Variants in MPHOSPH9 observed in about 807,000 individuals in gnomAD.
MPHOSPH9 encodes M-phase phosphoprotein 9.
Under a neutral mutation model 145.5 loss-of-function variants are expected in MPHOSPH9, and 88 were observed. That is an observed-to-expected ratio of 0.60 (90% confidence interval 0.51 to 0.72). The LOEUF is 0.72. MPHOSPH9 is among the 30% of genes least tolerant of loss of function. The pLI, the probability that MPHOSPH9 is intolerant of heterozygous loss-of-function variation, is 0.00. For synonymous variants in MPHOSPH9, 435 were observed against 486.2 expected (o/e 0.89, Z 1.39); for missense variants, 1,238 against 1,386.6 (o/e 0.89, Z 1.70).
chr12:123,215,726 T>C (rs1355545811), intron 6 of MPHOSPH9, among the ~76,000 whole-genome samples: 2 of 152,220 alleles, frequency 1.3e-5, no homozygotes, highest in Non-Finnish European at 2.9e-5. Context: ...GTGATGAGAA[T>C]ATTTCTATCA....
intron 13 of MPHOSPH9, among the ~76,000 whole-genome samples, chr12:123,193,111 ACACAC>A (rs2045782521): frequency 2.6e-5 from 1 of 38,080 alleles, no homozygotes; most frequent in Admixed American, 4.0e-4. Context: ...ATATATATAC[ACACAC>A]ACACACACAC....
chr12:123,158,021 G>A (rs1006070846), intron 23 of MPHOSPH9, among the ~76,000 whole-genome samples: 6 of 150,798 alleles, frequency 4.0e-5, no homozygotes, highest in Non-Finnish European at 7.4e-5. Flanking sequence ...ACGGAGTCTC[G>A]CTCTGTTGCC....
chr12:123,199,378 C>T (rs776341730), intron 11 of MPHOSPH9, among the ~76,000 whole-genome samples: 10 of 152,124 alleles, frequency 6.6e-5, no homozygotes, highest in Non-Finnish European at 1.0e-4. Context: ...CATCTTGACT[C>T]GGTGTTTAAC....
At chr12:123,202,050 G>A in intron 11 of MPHOSPH9, 114 bp downstream of exon 11, 1 of 1,127,708 alleles carries the variant, frequency 8.9e-7, no homozygotes, top group Non-Finnish European at 1.2e-6. Flanking sequence ...AGGCAAACAT[G>A]ACTGTTAAAA....
intron 9 of MPHOSPH9, 38 bp from the exon 10 acceptor site, chr12:123,203,122 C>G (rs375407079): frequency 5.4e-5 from 86 of 1,592,738 alleles, no homozygotes; most frequent in Non-Finnish European, 6.6e-5. Context: ...ACCCTCAGAA[C>G]TCGGCTTTGT....
At chr12:123,214,676 A>C in intron 7 of MPHOSPH9, 68 bp downstream of exon 7, 1 of 1,278,126 alleles carries the variant, frequency 7.8e-7, no homozygotes, top group Non-Finnish European at 1.1e-6. Flanking sequence ...AATGCTCTAA[A>C]AATCTAAGTA....
At chr12:123,181,475 G>A (rs2045140791) in intron 13 of MPHOSPH9, among the ~76,000 whole-genome samples, 1 of 152,040 alleles carries the variant, frequency 6.6e-6, no homozygotes, top group South Asian at 2.1e-4. Flanking sequence ...GGGAGGCTGA[G>A]GACAGAGGAT....
chr12:123,156,552 T>C lies in MPHOSPH9; in HGVS notation c.*255A>G, dbSNP rs370024638. The C allele has an allele frequency of 8.2e-5, 23 of 280,292 alleles. No individual in the cohort carries two copies. The highest frequency in any genetic ancestry group is 5.5e-4 in the East Asian group (9 of 16,304). The allele number at this position is 280,292 out of a possible 1,614,324, so 17.4% of individuals were successfully genotyped here. ...TCTGTTTATATTTCCTTATTCTTGATATAAATTGGAGACAGATACTATTTA... is the reference window on the plus strand; with the variant it reads ...TCTGTTTATATTTCCTTATTCTTGACATAAATTGGAGACAGATACTATTTA... On this transcript the variant is annotated 3_prime_UTR_variant, in exon 24 of 24. Coordinates refer to ENST00000606320, the MANE Select transcript of MPHOSPH9 (RefSeq NM_022782.4).
intron 8 of MPHOSPH9, among the ~76,000 whole-genome samples, chr12:123,208,518 A>G (rs1225908835): frequency 1.4e-5 from 2 of 142,760 alleles, no homozygotes; most frequent in Non-Finnish European, 3.1e-5. Flanking sequence ...ACCTGGCGAC[A>G]GAGTGAAACT....
intron 1 of MPHOSPH9, among the ~76,000 whole-genome samples, chr12:123,241,532 G>T (rs1200512850): frequency 6.6e-6 from 1 of 151,934 alleles, no homozygotes. Flanking sequence ...TAGAGACGGG[G>T]TTTCACCATG....
At chr12:123,187,452 A>G (rs1057432276) in intron 13 of MPHOSPH9, among the ~76,000 whole-genome samples, 2 of 152,178 alleles carry the variant, frequency 1.3e-5, no homozygotes, top group African/African-American at 4.8e-5. Flanking sequence ...GCTGTCTCCA[A>G]ATAAATCTGT....
intron 12 of MPHOSPH9, among the ~76,000 whole-genome samples, chr12:123,197,696 C>T (rs570855448): frequency 1.3e-3 from 186 of 147,944 alleles, no homozygotes; most frequent in Middle Eastern, 3.8e-3. Context: ...GCAGGAGAAT[C>T]GCCTGAACCT....
chr12:123,163,275 A>C (rs1188650574), intron 19 of MPHOSPH9, 141 bp from the exon 20 acceptor site: 1 of 907,546 alleles, frequency 1.1e-6, no homozygotes, highest in Non-Finnish European at 1.6e-6. Context: ...AGAGTGTACA[A>C]AAAAATAAAA....
In MPHOSPH9 at chr12:123,161,129, T is replaced by C. The variant is rs2044087845; in HGVS notation, c.3381+7A>G. 6.2e-7 allele frequency: 1 copy of C among 1,612,734 alleles called. No individual in the cohort carries two copies. On this transcript the variant is annotated splice_region_variant and intron_variant, in intron 22 of 23. Transcript: ENST00000606320. ...AACAATTTTTAAAAATATTTGTTTG[T>C]TTTTACCTGGTCCTTTTCTTTTGTA...
chr12:123,225,443 CAAAAAAA>C (rs56225104), intron 3 of MPHOSPH9, among the ~76,000 whole-genome samples: 10 of 102,182 alleles, frequency 9.8e-5, no homozygotes, highest in African/African-American at 4.0e-4. Flanking sequence ...GACCCTATTT[CAAAAAAA>C]AAAAAAAAAA....
intron 1 of MPHOSPH9, among the ~76,000 whole-genome samples, chr12:123,241,338 T>G (rs1397184017): frequency 2.6e-5 from 4 of 151,990 alleles, no homozygotes; most frequent in African/African-American, 7.3e-5. Flanking sequence ...TTTTTGTTGT[T>G]GTTGTTTTTT....
In MPHOSPH9 at chr12:123,228,084, CT is replaced by C. The variant is rs1377411449; in HGVS notation, c.105-469del. Among the ~76,000 whole-genome samples the C allele has an allele frequency of 3.3e-5, 5 of 152,124 alleles. No homozygotes were observed. The East Asian group carries it at 9.6e-4, about 29-fold the overall frequency. ...GCTGATGCTTATCTCTGCACTATCT[CT>C]GCATAAAAGTTGTGCCAAGCAAATC... On this transcript the variant is annotated intron_variant, in intron 2 of 23. Coordinates refer to ENST00000606320, the MANE Select transcript of MPHOSPH9 (RefSeq NM_022782.4).
chr12:123,218,670 C>T (rs559617154), intron 5 of MPHOSPH9, among the ~76,000 whole-genome samples, 171 bp from the exon 6 acceptor site: 2 of 152,074 alleles, frequency 1.3e-5, no homozygotes, highest in African/African-American at 4.8e-5. Context: ...GGATTACAGA[C>T]GCACTACCTC....
chr12:123,225,472 AAGAG>A (rs1259087920), intron 3 of MPHOSPH9, among the ~76,000 whole-genome samples: 5 of 142,600 alleles, frequency 3.5e-5, no homozygotes, highest in Non-Finnish European at 6.1e-5. Flanking sequence ...AAAGAAAGAA[AAGAG>A]AGAGAATGAA....
Sources: gnomAD v4.1 joint callset for allele counts (sites outside exome capture counted in the v4.1 genomes callset) on GRCh38, gnomAD v4.1.1 for gene constraint, MANE v1.5 for transcripts, NCBI Gene and HGNC (gene_info 2026-07-23, HGNC 2026-07-21) for gene names.